The following AKAP9 variants were observed in gnomAD, a reference collection of about 807,000 sequenced individuals.
The protein encoded by AKAP9 is A-kinase anchor protein 9.
In AKAP9, 311 loss-of-function variants were observed where a neutral mutation model predicts 488.5. The observed-to-expected ratio is 0.64, with a 90% CI of 0.58 to 0.70. AKAP9 has a LOEUF of 0.70. Among genes scored for constraint, AKAP9 ranks in the 30% least tolerant of loss-of-function variants. The probability of loss-of-function intolerance (pLI) is 0.00; values close to 1 mark genes in which losing one functional copy is unlikely to be tolerated. For missense variants in AKAP9, 4,215 were observed against 4,374.5 expected (o/e 0.96, Z 1.03); for synonymous variants, 1,462 against 1,483.5 (o/e 0.99, Z 0.33).
At chr7:92,009,746 G>C (rs1800432250) in intron 8 of AKAP9, among the ~76,000 whole-genome samples, 1 of 152,144 alleles carries the variant, frequency 6.6e-6, no homozygotes, top group Admixed American at 6.5e-5. Context: ...ATGAGTGGCT[G>C]TAGAAATCTT....
rs765452931 is a variant in AKAP9, at chr7:92,102,664, T to G, written c.11168T>G (p.Leu3723Arg). 6.2e-7 allele frequency: 1 copy of G among 1,614,236 alleles called. No individual in the cohort carries two copies. The highest frequency in any genetic ancestry group is 8.5e-7 in the Non-Finnish European group (1 of 1,180,046). The change falls in exon 46 of 50, where the codon CTG becomes CGG. Residue 3723 changes from leucine to arginine, a missense_variant. By Grantham distance (102) the Leu-to-Arg change is moderately radical (BLOSUM62 -2). This residue lies in a region of AKAP9 where 253 missense variants were observed against 266.8 expected (regional missense o/e 0.95). Transcript: ENST00000356239. The part of the protein sequence containing the change: ...KALIYQKKYL[L>R]LLLGGFQECE... ...CTCATTTACCAGAAGAAATACCTGC[T>G]GCTGTTACTGGGTGGGTTCCAGGAA...
chr7:92,003,149 G>A lies in AKAP9; in HGVS notation c.3232G>A (p.Val1078Ile), dbSNP rs1799375233. 6.2e-7 allele frequency: 1 copy of A among 1,611,140 alleles called. No homozygotes were observed. The highest frequency in any genetic ancestry group is 1.3e-5 in the African/African-American group (1 of 74,864). ...EQLILDHLPS[V>I]TKESSLRATQ... The stretch of plus-strand genomic sequence containing the variant: ...GTTGATTTTGGATCACTTACCATCT[G>A]TAACAAAGGAATCATCACTTAGAGC... Residue 1078 changes from valine (V) to isoleucine (I), a missense_variant, in exon 8 of 50, where the codon GTA becomes ATA. Transcript: ENST00000356239.
At chr7:91,989,863 T>C (rs1201177231) in intron 3 of AKAP9, among the ~76,000 whole-genome samples, 1 of 152,062 alleles carries the variant, frequency 6.6e-6, no homozygotes, top group Non-Finnish European at 1.5e-5. Context: ...GGATGAGTTG[T>C]TCTTTTATAT....
At chr7:91,949,072 G>C (rs930354169) in intron 1 of AKAP9, among the ~76,000 whole-genome samples, 1 of 152,048 alleles carries the variant, frequency 6.6e-6, no homozygotes, top group African/African-American at 2.4e-5. Flanking sequence ...CTTCTTTAGA[G>C]AAATGTCTAT....
chr7:91,969,987 T>A (rs1303891943), intron 1 of AKAP9, among the ~76,000 whole-genome samples: 7 of 152,206 alleles, frequency 4.6e-5, no homozygotes, highest in African/African-American at 7.2e-5. Flanking sequence ...CCTCTCTTCT[T>A]CCTTTCTTAC....
intron 1 of AKAP9, among the ~76,000 whole-genome samples, chr7:91,947,003 T>C (rs1006225581): frequency 2.2e-4 from 33 of 152,300 alleles, no homozygotes; most frequent in Non-Finnish European, 4.1e-4. Flanking sequence ...TGCTAAACAA[T>C]AAGGGACATT....
At chr7:92,061,736 A>G (rs969335100) in intron 23 of AKAP9, among the ~76,000 whole-genome samples, 5 of 151,318 alleles carry the variant, frequency 3.3e-5, no homozygotes, top group Non-Finnish European at 5.9e-5. Context: ...CTTGTAATTT[A>G]AAGATGAGCA....
intron 3 of AKAP9, among the ~76,000 whole-genome samples, chr7:91,981,960 A>G (rs1247989127): frequency 6.6e-6 from 1 of 152,136 alleles, no homozygotes; most frequent in African/African-American, 2.4e-5. Context: ...AACTGCCTGT[A>G]TCTCTGGGGG....
intron 45 of AKAP9, among the ~76,000 whole-genome samples, chr7:92,101,436 CA>C (rs34162437): frequency 0.43 from 56,989 of 131,674 alleles, 11,171 homozygotes; most frequent in African/African-American, 0.49. Flanking sequence ...GACTCCGTCT[CA>C]AAAAAAAAAA....
chr7:92,033,126 T>C (rs945920405), intron 16 of AKAP9, among the ~76,000 whole-genome samples: 1 of 152,202 alleles, frequency 6.6e-6, no homozygotes, highest in Non-Finnish European at 1.5e-5. Flanking sequence ...GTGATAATGG[T>C]GGTAACATGA....
intron 1 of AKAP9, among the ~76,000 whole-genome samples, chr7:91,947,834 A>G (rs1309051118): frequency 6.6e-6 from 1 of 152,172 alleles, no homozygotes; most frequent in Non-Finnish European, 1.5e-5. Flanking sequence ...AAAATTAACC[A>G]TCTTTAAGTG....
chr7:92,109,450 GTT>G (rs1360787847), intron 49 of AKAP9, among the ~76,000 whole-genome samples: 1 of 152,048 alleles, frequency 6.6e-6, no homozygotes, highest in East Asian at 1.9e-4. Flanking sequence ...GCCTAGGCTT[GTT>G]TTGTTTTGAG....
intron 47 of AKAP9, among the ~76,000 whole-genome samples, chr7:92,106,098 C>T (rs528912214): frequency 6.6e-6 from 1 of 152,332 alleles, no homozygotes; most frequent in African/African-American, 2.4e-5. Context: ...GAAAAATTGT[C>T]TTCCATGAAA....
intron 1 of AKAP9, among the ~76,000 whole-genome samples, chr7:91,946,613 AT>A (rs1791482129): frequency 6.6e-6 from 1 of 152,090 alleles, no homozygotes; most frequent in South Asian, 2.1e-4. Flanking sequence ...GGCTCAAGCA[AT>A]CCTCCTGCCT....
At position 92,097,010 on chromosome 7, in the gene AKAP9, C is replaced by T; in HGVS notation, c.10051C>T (p.Gln3351Ter). The T allele has an allele frequency of 6.2e-7, 1 of 1,614,160 alleles. No homozygotes were observed. The highest frequency in any genetic ancestry group is 8.5e-7 in the Non-Finnish European group (1 of 1,180,010). The change falls in exon 41 of 50, where the codon CAG becomes TAG. Residue 3351 changes from glutamine to a stop codon, truncating the protein, a stop_gained. Coordinates refer to ENST00000356239, the MANE Select transcript of AKAP9 (RefSeq NM_005751.5). LOFTEE classifies it high-confidence loss of function. ...GGACCTACTGAAAGAGCTGCAGAAA[C>T]AGCTAGAGGAAAAACACAGTCGCAT... is the stretch of plus-strand genomic sequence containing the variant. ...SEDLLKELQK[Q>*]LEEKHSRIVE...
At chr7:91,982,203 GTATGATACTTTAAGTTCTAGGGTACCT>G (rs1333716876) in intron 3 of AKAP9, among the ~76,000 whole-genome samples, 1 of 151,358 alleles carries the variant, frequency 6.6e-6, no homozygotes, top group African/African-American at 2.4e-5. Context: ...ATGTATGTAT[GTATGATACTTTAAGTTCTAGGGTACCT>G]GTGCACAATG....
chr7:92,065,483 A>G lies in AKAP9; in HGVS notation c.6210+20A>G, dbSNP rs1810624974. The G allele has an allele frequency of 4.6e-6, 7 of 1,536,124 alleles. No homozygotes were observed. The highest frequency in any genetic ancestry group is 6.3e-6 in the Non-Finnish European group (7 of 1,112,852). On this transcript the variant is annotated intron_variant, in intron 25 of 49. Coordinates refer to ENST00000356239, the MANE Select transcript of AKAP9 (RefSeq NM_005751.5). ...TTAGATGTAAGTATTCTCAAGTTGA[A>G]TACTGATTTTTCTCAGTGGAATGTT...
Position 92,083,337 on chromosome 7 carries a change from G to T in AKAP9, c.8328G>T (p.Lys2776Asn). The T allele has an allele frequency of 6.2e-7, 1 of 1,614,096 alleles. No homozygotes were observed. Among genetic ancestry groups the T allele is most frequent in the Middle Eastern group, 1.6e-4 (1 of 6,062 alleles). The change falls in exon 33 of 50, where the codon AAG becomes AAT. Residue 2776 changes from lysine to asparagine, a missense_variant. By Grantham distance (94) the Lys-to-Asn change is moderately conservative. Coordinates refer to ENST00000356239, the MANE Select transcript of AKAP9 (RefSeq NM_005751.5). ...AGCCACTTCCTATAAAACTGAGTAA[G>T]AGCATTGCATCCCAGACAGATGGGA... ...MFEPLPIKLS[K>N]SIASQTDGTL...
At chr7:92,055,684 C>T (rs1379915996) in intron 22 of AKAP9, among the ~76,000 whole-genome samples, 2 of 152,104 alleles carry the variant, frequency 1.3e-5, no homozygotes, top group African/African-American at 4.8e-5. Flanking sequence ...TTTATTATAA[C>T]TATTTTTGAT....
Sources: gnomAD v4.1 joint callset for allele counts (sites outside exome capture counted in the v4.1 genomes callset) on GRCh38, gnomAD v4.1.1 for gene constraint, gnomAD v4.1.1 regional missense constraint, MANE v1.5 for transcripts, NCBI Gene and HGNC (gene_info 2026-07-23, HGNC 2026-07-21) for gene names.